MGAT4C: variants seen among roughly 807,000 people sequenced by gnomAD.
MGAT4C encodes the protein alpha-1,3-mannosyl-glycoprotein 4-beta-N-acetylglucosaminyltransferase C.
In MGAT4C, 19 loss-of-function variants were observed where a neutral mutation model predicts 40.1. That is an observed-to-expected ratio of 0.47 (90% CI 0.33 to 0.70). The LOEUF is 0.70. Ranked by LOEUF, MGAT4C falls within the 30% of genes least tolerant of loss-of-function variation. The pLI is 0.02. For missense variants in MGAT4C, 491 were observed against 563.2 expected (o/e 0.87, Z 1.30); for synonymous variants, 181 against 187.1 (o/e 0.97, Z 0.27).
At position 86,463,601 on chromosome 12, in the gene MGAT4C, C is replaced by T. The variant is rs561388128; in HGVS notation, c.-228-28336G>A. ...CTTTTTCAGGGTATATCTTCCCTGA[C>T]ATACAAATTAGGTTAGATTCACCTG... On this transcript the variant is annotated intron_variant, in intron 2 of 7. Transcript: ENST00000548651. 1.2e-3 allele frequency among the ~76,000 whole-genome samples: 176 copies of T among 152,232 alleles called. 4 individuals carry two copies. Among genetic ancestry groups the T allele is most frequent in the South Asian group, 1.5e-3 (7 of 4,824 alleles).
At chr12:86,476,419 A>T (rs956854868) in intron 2 of MGAT4C, among the ~76,000 whole-genome samples, 1 of 152,078 alleles carries the variant, frequency 6.6e-6, no homozygotes, top group Non-Finnish European at 1.5e-5. Flanking sequence ...ATTAGAAAAT[A>T]AAAAATAACA....
chr12:86,136,367 T>C (rs1303974217), intron 1 of MGAT4C, among the ~76,000 whole-genome samples: 2 of 152,138 alleles, frequency 1.3e-5, no homozygotes, highest in African/African-American at 2.4e-5. Context: ...GCTAGTTGCA[T>C]GTGCTATGAA....
At chr12:86,546,307 C>G (rs1365407939) in intron 2 of MGAT4C, among the ~76,000 whole-genome samples, 1 of 151,392 alleles carries the variant, frequency 6.6e-6, no homozygotes, top group Admixed American at 6.6e-5. Flanking sequence ...TTACTGCATT[C>G]AAAACTGAAA....
chr12:86,246,491 T>C (rs767872591), intron 1 of MGAT4C, among the ~76,000 whole-genome samples: 5 of 152,208 alleles, frequency 3.3e-5, no homozygotes, highest in Non-Finnish European at 7.4e-5. Context: ...TTTAAAAGAA[T>C]AAATTAACTG....
At chr12:86,064,747 T>C (rs539900538) in intron 1 of MGAT4C, among the ~76,000 whole-genome samples, 17 of 151,584 alleles carry the variant, frequency 1.1e-4, no homozygotes, top group African/African-American at 4.1e-4. Flanking sequence ...AGACAAAAAA[T>C]CCCTTCAAAA....
intron 2 of MGAT4C, among the ~76,000 whole-genome samples, chr12:86,515,554 A>C (rs1168651143): frequency 1.3e-5 from 2 of 152,170 alleles, no homozygotes; most frequent in African/African-American, 2.4e-5. Flanking sequence ...CAAGAAAACA[A>C]TCAATGTAAA....
At chr12:86,727,929 A>G (rs965614781) in intron 1 of MGAT4C, among the ~76,000 whole-genome samples, 1 of 152,132 alleles carries the variant, frequency 6.6e-6, no homozygotes, top group Admixed American at 6.6e-5. Context: ...TTAATTCTCA[A>G]TCCTCATGCA....
At chr12:86,127,846 C>T (rs533316225) in intron 1 of MGAT4C, among the ~76,000 whole-genome samples, 3 of 152,088 alleles carry the variant, frequency 2.0e-5, no homozygotes, top group Admixed American at 6.5e-5. Flanking sequence ...ACAAGTGGAG[C>T]GGTCATCTCC....
At position 86,548,338 on chromosome 12, in the gene MGAT4C, A is replaced by G. The variant is rs529240246; in HGVS notation, c.-228-113073T>C. Among the ~76,000 whole-genome samples the G allele has an allele frequency of 7.2e-5, 11 of 152,210 alleles. No homozygotes were observed. In the South Asian group the frequency reaches 2.1e-3, roughly 29 times the overall value. On this transcript the variant is annotated intron_variant, in intron 2 of 7. Transcript: ENST00000548651. Reference sequence around the variant, plus strand: ...CTCATTTAATATTTGAGAACTTAAGATGTCCACAATAGAATAATCTCTCAA... The same window carrying G: ...CTCATTTAATATTTGAGAACTTAAGGTGTCCACAATAGAATAATCTCTCAA...
intron 1 of MGAT4C, among the ~76,000 whole-genome samples, chr12:86,130,926 T>C (rs1023664472): frequency 6.6e-6 from 1 of 152,052 alleles, no homozygotes; most frequent in Non-Finnish European, 1.5e-5. Flanking sequence ...ATCTCTATTA[T>C]CATTATTATT....
At chr12:86,001,873 T>A (rs971080644) in intron 2 of MGAT4C, 1 of 152,414 alleles carries the variant, frequency 6.6e-6, no homozygotes, top group Non-Finnish European at 1.5e-5. Context: ...AAACTCTCAC[T>A]GATCGTATAC....
At chr12:86,707,503 T>A (rs1950480093) in intron 2 of MGAT4C, among the ~76,000 whole-genome samples, 1 of 151,644 alleles carries the variant, frequency 6.6e-6, no homozygotes, top group Non-Finnish European at 1.5e-5. Flanking sequence ...TGGTTTAGGG[T>A]ATCTGGCGGA....
At chr12:86,655,470 C>A (rs891345833) in intron 2 of MGAT4C, among the ~76,000 whole-genome samples, 1 of 152,110 alleles carries the variant, frequency 6.6e-6, no homozygotes, top group African/African-American at 2.4e-5. Context: ...CACCAGCACT[C>A]AGTCCTGGGC....
chr12:86,511,716 A>G (rs1369901914), intron 2 of MGAT4C, among the ~76,000 whole-genome samples: 1 of 152,142 alleles, frequency 6.6e-6, no homozygotes, highest in Admixed American at 6.6e-5. Context: ...AAAAATTGGA[A>G]TTGTTTCTTG....
Position 85,979,638 on chromosome 12 carries a change from C to G in MGAT4C, c.1088G>C (p.Ser363Thr), listed in dbSNP as rs750764518. ...ENYEASKAYS[S>T]VDEYFWGKPP... ...TTTCCCCCAAAAGTACTCATCAACA[C>G]TACTGTAAGCCTTGCTTGCTTCATA... The change falls in exon 5 of 5, where the codon AGT becomes ACT. Residue 363 changes from serine to threonine, a missense_variant. Coordinates refer to ENST00000611864, the MANE Select transcript of MGAT4C (RefSeq NM_001351288.2). 30 of 1,612,274 alleles carry G rather than the reference C, an allele frequency of 1.9e-5. No homozygotes were observed. Among genetic ancestry groups the G allele is most frequent in the Non-Finnish European group, 2.5e-5 (30 of 1,179,680 alleles).
intron 1 of MGAT4C, among the ~76,000 whole-genome samples, chr12:86,827,366 CTA>C (rs1423890273): frequency 2.6e-5 from 4 of 151,448 alleles, no homozygotes; most frequent in Admixed American, 6.6e-5. Context: ...AAAGTAGACA[CTA>C]TTTTTTCTTT....
At chr12:86,298,800 T>C (rs1006462903) in intron 4 of MGAT4C, among the ~76,000 whole-genome samples, 6 of 152,154 alleles carry the variant, frequency 3.9e-5, no homozygotes, top group Admixed American at 2.0e-4. Flanking sequence ...AATGAGAATA[T>C]TGTATTTTAC....
intron 3 of MGAT4C, among the ~76,000 whole-genome samples, chr12:86,366,687 T>C (rs1028174045): frequency 1.3e-5 from 2 of 152,098 alleles, no homozygotes; most frequent in African/African-American, 4.8e-5. Flanking sequence ...TATACACACC[T>C]AACAAATCTG....
At chr12:86,217,855 C>G (rs1395515818) in intron 1 of MGAT4C, among the ~76,000 whole-genome samples, 1 of 151,840 alleles carries the variant, frequency 6.6e-6, no homozygotes, top group Non-Finnish European at 1.5e-5. Context: ...AAAAATAATA[C>G]AGATAAAATA....
Sources: gnomAD v4.1 joint callset for allele counts (sites outside exome capture counted in the v4.1 genomes callset) on GRCh38, gnomAD v4.1.1 for gene constraint, MANE v1.5 for transcripts, NCBI Gene and HGNC (gene_info 2026-07-23, HGNC 2026-07-21) for gene names.